Variants in RHOBTB3 observed in about 807,000 individuals in gnomAD.
The protein encoded by RHOBTB3 is Rho related BTB domain containing 3, also known as rho-related BTB domain-containing protein 3.
Under a neutral mutation model 67.2 loss-of-function variants are expected in RHOBTB3, and 47 were observed. That is an observed-to-expected ratio of 0.70 (90% CI 0.55 to 0.89). The LOEUF (loss-of-function observed/expected upper bound fraction) is 0.89. Ranked by LOEUF, RHOBTB3 falls within the 40% of genes least tolerant of loss-of-function variation. RHOBTB3 has a pLI of 0.00. For synonymous variants in RHOBTB3, 273 were observed against 274.2 expected (o/e 1.00, Z 0.04); for missense variants, 631 against 750.0 (o/e 0.84, Z 1.85).
At chr5:95,792,655 G>A (rs1746443818) in intron 11 of RHOBTB3, among the ~76,000 whole-genome samples, 1 of 151,562 alleles carries the variant, frequency 6.6e-6, no homozygotes, top group Non-Finnish European at 1.5e-5. Context: ...AGCTGGGCGT[G>A]GTGTCACACG....
Position 95,788,836 on chromosome 5 carries a change from G to A in RHOBTB3, c.1698G>A (p.Lys566=), listed in dbSNP as rs1412227791. The A allele has an allele frequency of 1.3e-6, 2 of 1,560,786 alleles. No individual in the cohort carries two copies. Among genetic ancestry groups the A allele is most frequent in the East Asian group, 4.8e-5 (2 of 41,768 alleles). ...IATNYLIFSQ[K]PEFQDLSVEE... ...CTAACTACCTCATCTTCAGTCAAAA[G>A]CCTGAATTTCAGGATCTTTCAGGTA... is the stretch of plus-strand genomic sequence containing the variant. Residue 566 remains lysine (K), a synonymous_variant, in exon 11 of 12, where the codon AAG becomes AAA. Transcript: ENST00000379982.
chr5:95,788,395 C>A (rs550210075), intron 10 of RHOBTB3, among the ~76,000 whole-genome samples: 24 of 152,322 alleles, frequency 1.6e-4, no homozygotes, highest in Non-Finnish European at 2.9e-4. Flanking sequence ...ACATTGCTCA[C>A]CATCATCTAC....
At chr5:95,744,660 C>T (rs144569959) in intron 3 of RHOBTB3, among the ~76,000 whole-genome samples, 16 of 152,222 alleles carry the variant, frequency 1.1e-4, no homozygotes, top group African/African-American at 2.6e-4. Flanking sequence ...ACTCGAGGAC[C>T]TATATTGGCT....
rs1745671274 is a variant in RHOBTB3, at chr5:95,770,319, G to C, written c.1282+2153G>C. Reference sequence around the variant, plus strand: ...CTGCTACTGAAGAAGACATCATTCTGGGATGGGGTTGTGCCTTGCTTCAGT... The same window carrying C: ...CTGCTACTGAAGAAGACATCATTCTCGGATGGGGTTGTGCCTTGCTTCAGT... On this transcript the variant is annotated intron_variant, in intron 8 of 11. Coordinates refer to ENST00000379982, the MANE Select transcript of RHOBTB3 (RefSeq NM_014899.4). 3 of 280,672 alleles carry C rather than the reference G, an allele frequency of 1.1e-5. No homozygotes were observed. In the South Asian group the frequency reaches 1.5e-4, roughly 14 times the overall value. The allele number at this position is 280,672 out of a possible 1,614,324, so 17.4% of individuals were successfully genotyped here.
At chr5:95,726,054 G>A (rs1755044841), upstream of RHOBTB3, among the ~76,000 whole-genome samples, 1 of 152,118 alleles carries the variant, frequency 6.6e-6, no homozygotes, top group African/African-American at 2.4e-5. Context: ...CACTGAAACA[G>A]AATTTCTCAA....
intron 2 of RHOBTB3, among the ~76,000 whole-genome samples, chr5:95,733,962 C>T (rs1009594370): frequency 6.6e-6 from 1 of 152,182 alleles, no homozygotes; most frequent in African/African-American, 2.4e-5. Context: ...AAATCACTTA[C>T]CTTCTCTCAG....
chr5:95,790,928 C>T (rs1580433725), intron 11 of RHOBTB3, among the ~76,000 whole-genome samples: 1 of 152,176 alleles, frequency 6.6e-6, no homozygotes, highest in Non-Finnish European at 1.5e-5. Flanking sequence ...GATCTGGCTA[C>T]CCCAGGCCCA....
intron 6 of RHOBTB3, among the ~76,000 whole-genome samples, chr5:95,756,380 A>G (rs1745246683): frequency 6.6e-6 from 1 of 152,218 alleles, no homozygotes; most frequent in Non-Finnish European, 1.5e-5. Flanking sequence ...GTACATATAG[A>G]CCACATTTTG....
chr5:95,738,790 G>A (rs565434490), intron 3 of RHOBTB3, among the ~76,000 whole-genome samples: 8 of 152,088 alleles, frequency 5.3e-5, no homozygotes, highest in Admixed American at 2.6e-4. Flanking sequence ...TTATGTCCTC[G>A]TTAGCCAAAT....
chr5:95,741,521 C>CTTTTTTTTTTTTTTTTTTTT (rs1561441040), intron 3 of RHOBTB3, among the ~76,000 whole-genome samples: 2 of 78,496 alleles, frequency 2.5e-5, no homozygotes, highest in Admixed American at 1.5e-4. Context: ...TTCTTTCTTT[C>CTTTTTTTTTTTTTTTTTTTT]TGTTTTTTTT....
chr5:95,727,117 T>A (rs1755078295), upstream of RHOBTB3, among the ~76,000 whole-genome samples: 1 of 152,218 alleles, frequency 6.6e-6, no homozygotes, highest in African/African-American at 2.4e-5. Context: ...CCCATCTTTT[T>A]AATGAAAATG....
At chr5:95,719,990 C>T (rs1233150658) in intron 1 of RHOBTB3, among the ~76,000 whole-genome samples, 1 of 152,136 alleles carries the variant, frequency 6.6e-6, no homozygotes, top group Non-Finnish European at 1.5e-5. Flanking sequence ...ATGGGCTTCC[C>T]ATGTAGACTT....
At chr5:95,755,854 A>G (rs1188719966) in intron 6 of RHOBTB3, 93 bp downstream of exon 6, 1 of 1,256,466 alleles carries the variant, frequency 8.0e-7, no homozygotes, top group Non-Finnish European at 1.1e-6. Flanking sequence ...TTAGTTTTAC[A>G]GTGGTCTTTA....
intron 8 of RHOBTB3, chr5:95,769,965 AC>A: frequency 2.3e-6 from 1 of 434,370 alleles, no homozygotes; most frequent in Non-Finnish European, 4.6e-6. Flanking sequence ...AATAGAAAGA[AC>A]CAGCTTAAAG....
chr5:95,768,625 G>T (rs762750642), intron 8 of RHOBTB3, among the ~76,000 whole-genome samples: 2 of 152,118 alleles, frequency 1.3e-5, no homozygotes, highest in African/African-American at 2.4e-5. Flanking sequence ...TGAGCAAAAG[G>T]ACTGAGGGTT....
rs376160299 is a variant in RHOBTB3 at position 95,783,904 on chromosome 5, C to G, written c.1564C>G (p.Pro522Ala). ...LFIITQLQSM[P>A]SRELASMNLD... is the part of the protein sequence containing the mutation. ...CATCATTACCCAGCTGCAGAGCATG[C>G]CAAGCAGGGAACTGGCATCCATGAA... The change falls in exon 10 of 12, where the codon CCA (proline) becomes GCA (alanine). Residue 522 changes from proline to alanine, a missense_variant. Transcript: ENST00000379982. The G allele has an allele frequency of 8.1e-6, 13 of 1,613,764 alleles. No individual in the cohort carries two copies. The African/African-American group carries it at 1.6e-4, about 20-fold the overall frequency.
intron 3 of RHOBTB3, among the ~76,000 whole-genome samples, chr5:95,741,350 A>G (rs1755592112): frequency 6.6e-6 from 1 of 151,402 alleles, no homozygotes; most frequent in African/African-American, 2.4e-5. Context: ...GAAAAGAAAA[A>G]AAAAAGAGAT....
intron 8 of RHOBTB3, among the ~76,000 whole-genome samples, chr5:95,777,665 C>A (rs1373313848): frequency 6.6e-6 from 1 of 152,170 alleles, no homozygotes; most frequent in Non-Finnish European, 1.5e-5. Flanking sequence ...AAGATCTAAC[C>A]ATACTAAGGT....
rs977587498 is a variant in RHOBTB3 at position 95,780,360 on chromosome 5, A to C, written c.1391A>C (p.Tyr464Ser). 6.2e-7 allele frequency: 1 copy of C among 1,614,082 alleles called. No homozygotes were observed. Among genetic ancestry groups the C allele is most frequent in the Non-Finnish European group, 8.5e-7 (1 of 1,179,922 alleles). The change falls in exon 9 of 12, where the codon TAT becomes TCT. Residue 464 changes from tyrosine (Y) to serine (S), a missense_variant. Transcript: ENST00000379982. The stretch of plus-strand genomic sequence containing the variant: ...GCAAAGAGTGTCCTGATTCCCGTTT[A>C]TGGTGTTTCCAAAGAGACTTTCTTG... ...MEAKSVLIPV[Y>S]GVSKETFLSF...
Sources: gnomAD v4.1 joint callset for allele counts (sites outside exome capture counted in the v4.1 genomes callset) on GRCh38, gnomAD v4.1.1 for gene constraint, MANE v1.5 for transcripts, NCBI Gene and HGNC (gene_info 2026-07-23, HGNC 2026-07-21) for gene names.